CMIP: variants seen among roughly 807,000 people sequenced by gnomAD.
CMIP encodes c-Maf inducing protein, also known as C-Maf-inducing protein.
CMIP carries 13 observed loss-of-function variants against 97.3 expected under a neutral mutation model. That is an observed-to-expected ratio of 0.13 (90% confidence interval 0.09 to 0.21). The LOEUF (loss-of-function observed/expected upper bound fraction) is 0.21, where lower values mean the gene tolerates loss of function less well. CMIP is among the 10% of genes least tolerant of loss of function. CMIP has a pLI of 1.00. For synonymous variants in CMIP, 538 were observed against 436.3 expected (o/e 1.23, Z -2.91); for missense variants, 847 against 1,024.9 (o/e 0.83, Z 2.37).
intron 1 of CMIP, among the ~76,000 whole-genome samples, chr16:81,475,286 C>T (rs1005556460): frequency 2.0e-5 from 3 of 152,214 alleles, no homozygotes; most frequent in African/African-American, 7.2e-5. Context: ...TCTGTTTCAG[C>T]CATGCAAAGC....
At chr16:81,643,160 C>T (rs1022467605) in intron 3 of CMIP, among the ~76,000 whole-genome samples, 2 of 152,220 alleles carry the variant, frequency 1.3e-5, no homozygotes, top group Non-Finnish European at 2.9e-5. Flanking sequence ...ACACGTCCAC[C>T]TCGTGGAGGA....
chr16:81,710,202 C>T lies in CMIP; in HGVS notation c.*403C>T, dbSNP rs1262165263. 13 of 256,066 alleles carry T rather than the reference C, an allele frequency of 5.1e-5. No individual in the cohort carries two copies. The South Asian group carries it at 6.3e-4, about 12-fold the overall frequency. 15.9% of individuals were successfully genotyped at this position (256,066 alleles called of 1,614,324 possible). ...GGGCCGGACGAAGGATGCTTTCTTC[C>T]TAGAGGCTCCGAGCTGAGCTGCGAA... On this transcript the variant is annotated 3_prime_UTR_variant, in exon 21 of 21. Transcript: ENST00000537098.
chr16:81,640,899 A>G lies in CMIP; in HGVS notation c.478-11304A>G, dbSNP rs559424832. Among the ~76,000 whole-genome samples the G allele has an allele frequency of 7.9e-5, 12 of 152,260 alleles. 1 individual carries two copies. In the South Asian group the frequency reaches 2.3e-3, roughly 29 times the overall value. On this transcript the variant is annotated intron_variant, in intron 3 of 20. Coordinates refer to ENST00000537098, the MANE Select transcript of CMIP (RefSeq NM_198390.3). ...CCCATTTCCAAAGAAGGTCATAGTC[A>G]CAGATACCGGGCTTAGGACTTGGAC...
chr16:81,513,219 G>A (rs577793147), intron 1 of CMIP, among the ~76,000 whole-genome samples: 10 of 152,312 alleles, frequency 6.6e-5, no homozygotes, highest in South Asian at 4.1e-4. Context: ...TTCGTAGAGC[G>A]GGGCCTGCCT....
intron 9 of CMIP, 26 bp downstream of exon 9, chr16:81,672,096 AGAGG>A (rs1332483371): frequency 7.0e-7 from 1 of 1,434,590 alleles, no homozygotes; most frequent in Non-Finnish European, 9.6e-7. Flanking sequence ...ACCGCCACCC[AGAGG>A]GCTTGGGAGG....
chr16:81,595,967 G>T (rs1349260735), intron 1 of CMIP, among the ~76,000 whole-genome samples: 2 of 152,138 alleles, frequency 1.3e-5, no homozygotes, highest in Non-Finnish European at 2.9e-5. Context: ...ACAAAAAGCT[G>T]CCTGCATCAT....
At chr16:81,531,852 T>C (rs1451187276) in intron 1 of CMIP, among the ~76,000 whole-genome samples, 1 of 152,232 alleles carries the variant, frequency 6.6e-6, no homozygotes, top group Non-Finnish European at 1.5e-5. Flanking sequence ...AAATTACTAG[T>C]TGGGGCTAGT....
intron 9 of CMIP, among the ~76,000 whole-genome samples, chr16:81,672,812 A>G (rs1444288856): frequency 6.6e-6 from 1 of 152,186 alleles, no homozygotes; most frequent in Admixed American, 6.5e-5. Context: ...TCCTGGGCTT[A>G]AGCAGTCTTC....
chr16:81,657,802 G>A lies in CMIP; in HGVS notation c.667G>A (p.Glu223Lys). ...ENTNLTTQEH[E>K]NIIVAIAPLL... ...CACAAACTTGACCACCCAGGAGCAT[G>A]AAAACATCATTGTGGTAAGTTCCTC... The change falls in exon 5 of 21, where the codon GAA becomes AAA. Residue 223 changes from glutamate (E) to lysine (K), a missense_variant. Transcript: ENST00000537098. 1 of 1,608,388 alleles carries A rather than the reference G, an allele frequency of 6.2e-7. No individual in the cohort carries two copies. Among genetic ancestry groups the A allele is most frequent in the Non-Finnish European group, 8.5e-7 (1 of 1,177,456 alleles).
chr16:81,563,424 A>G (rs1340699635), intron 1 of CMIP, among the ~76,000 whole-genome samples: 1 of 152,200 alleles, frequency 6.6e-6, no homozygotes, highest in Non-Finnish European at 1.5e-5. Context: ...AATGATGATA[A>G]TAGCAATACT....
chr16:81,532,215 T>G (rs2090251267), intron 1 of CMIP, among the ~76,000 whole-genome samples: 1 of 152,198 alleles, frequency 6.6e-6, no homozygotes. Context: ...CTGCGTATCT[T>G]CACGCTGGCC....
intron 2 of CMIP, among the ~76,000 whole-genome samples, chr16:81,615,412 G>A (rs1317015695): frequency 1.4e-5 from 2 of 147,088 alleles, no homozygotes; most frequent in Non-Finnish European, 3.0e-5. Flanking sequence ...TATGGTGTGT[G>A]TGTGTGTGCG....
intron 14 of CMIP, chr16:81,698,043 C>T (rs1159762267): frequency 1.5e-5 from 2 of 132,454 alleles, no homozygotes; most frequent in Admixed American, 8.2e-5. Context: ...TGCAAGAAAG[C>T]GCAGGGAGCT....
intron 1 of CMIP, among the ~76,000 whole-genome samples, chr16:81,571,795 G>A (rs1032497352): frequency 2.0e-5 from 3 of 152,084 alleles, no homozygotes; most frequent in African/African-American, 7.2e-5. Context: ...GACCGTGCGC[G>A]GGAGCCCTGC....
At chr16:81,524,706 CA>C (rs1379999043) in intron 1 of CMIP, among the ~76,000 whole-genome samples, 1 of 152,248 alleles carries the variant, frequency 6.6e-6, no homozygotes, top group African/African-American at 2.4e-5. Context: ...CCCAGCGACT[CA>C]GCTGTCAGTC....
At chr16:81,558,507 C>T (rs1042437439) in intron 1 of CMIP, among the ~76,000 whole-genome samples, 1 of 152,188 alleles carries the variant, frequency 6.6e-6, no homozygotes, top group Non-Finnish European at 1.5e-5. Context: ...CATGTAGAGA[C>T]CAGGGATACT....
intron 1 of CMIP, among the ~76,000 whole-genome samples, chr16:81,564,258 C>A (rs759884191): frequency 6.6e-6 from 1 of 152,126 alleles, no homozygotes. Flanking sequence ...TGCATTGGGG[C>A]CTTCCTCCAT....
chr16:81,665,295 G>C (rs1315447495), intron 7 of CMIP: 1 of 152,204 alleles, frequency 6.6e-6, no homozygotes, highest in East Asian at 1.9e-4. Flanking sequence ...GGAAACTGAG[G>C]CTTAGCTAGG....
chr16:81,518,030 A>C (rs1386848774), intron 1 of CMIP: 1 of 397,026 alleles, frequency 2.5e-6, no homozygotes, highest in Admixed American at 6.4e-5. Flanking sequence ...CCCATGGTTA[A>C]TTGTGTGTGT....
Sources: allele counts gnomAD v4.1 joint callset (sites outside exome capture counted in the v4.1 genomes callset), GRCh38; gene constraint gnomAD v4.1.1; transcripts MANE v1.5; gene names NCBI Gene and HGNC (gene_info 2026-07-23, HGNC 2026-07-21).